KDM4C: variants seen among roughly 807,000 people sequenced by gnomAD.
KDM4C encodes lysine-specific demethylase 4C.
Under a neutral mutation model 129.3 loss-of-function variants are expected in KDM4C, and 81 were observed. The observed-to-expected ratio is 0.63, with a 90% confidence interval of 0.52 to 0.75. KDM4C has a LOEUF of 0.75. KDM4C is among the 30% of genes least tolerant of loss of function. The probability of loss-of-function intolerance (pLI) is 0.00; values close to 1 mark genes in which losing one functional copy is unlikely to be tolerated. For missense variants in KDM4C, 1,457 were observed against 1,304.0 expected (o/e 1.12, Z -1.81); for synonymous variants, 573 against 456.1 (o/e 1.26, Z -3.26).
intron 4 of KDM4C, among the ~76,000 whole-genome samples, chr9:6,817,913 C>T (rs1236635314): frequency 4.0e-5 from 6 of 151,868 alleles, no homozygotes; most frequent in African/African-American, 1.5e-4. Context: ...ATTACAGGCA[C>T]GTGACACCAT....
At chr9:6,800,163 T>G (rs1395332987) in intron 2 of KDM4C, among the ~76,000 whole-genome samples, 1 of 149,550 alleles carries the variant, frequency 6.7e-6, no homozygotes, top group African/African-American at 2.5e-5. Context: ...AGGCCAGGAG[T>G]TTGAGACCAA....
intron 1 of KDM4C, among the ~76,000 whole-genome samples, chr9:6,771,941 C>G (rs1355682285): frequency 6.6e-6 from 1 of 152,184 alleles, no homozygotes; most frequent in African/African-American, 2.4e-5. Context: ...TGGGAAGCCT[C>G]TCCCCATTCC....
intron 19 of KDM4C, among the ~76,000 whole-genome samples, chr9:7,156,243 C>G (rs1328043118): frequency 6.6e-6 from 1 of 152,284 alleles, no homozygotes; most frequent in East Asian, 1.9e-4. Context: ...TTTGTAGATT[C>G]TGGATATCAG....
At position 6,867,017 on chromosome 9, in the gene KDM4C, ATTT is replaced by A. The variant is rs139668753; in HGVS notation, c.630-12982_630-12980del. 2.4e-3 allele frequency among the ~76,000 whole-genome samples: 201 copies of A among 83,764 alleles called. 2 individuals are homozygous for A. Among genetic ancestry groups the A allele is most frequent in the Middle Eastern group, 6.3e-3 (1 of 160 alleles). 55.0% of individuals were successfully genotyped at this position (83,764 alleles called of 152,430 possible). A position where few individuals can be genotyped will look rare whatever the true frequency, so the allele number is the denominator to read the frequency against. ...TGTGTGTGTATATATATATATATAT[ATTT>A]TTTTTTTTTTTTGGAAGATGGAATC... On this transcript the variant is annotated intron_variant, in intron 5 of 21. Transcript: ENST00000381309.
chr9:6,902,437 C>T (rs1817569710), intron 8 of KDM4C, among the ~76,000 whole-genome samples: 2 of 152,102 alleles, frequency 1.3e-5, no homozygotes, highest in Admixed American at 1.3e-4. Flanking sequence ...ACATAATCAC[C>T]TGGGACTGTG....
chr9:6,781,135 G>A (rs566259677), intron 1 of KDM4C, among the ~76,000 whole-genome samples: 1 of 152,292 alleles, frequency 6.6e-6, no homozygotes, highest in African/African-American at 2.4e-5. Context: ...AGGAGTGGCT[G>A]CCTGAATTTA....
chr9:6,838,182 A>G (rs138781564), intron 4 of KDM4C, among the ~76,000 whole-genome samples: 1 of 152,262 alleles, frequency 6.6e-6, no homozygotes, highest in Non-Finnish European at 1.5e-5. Flanking sequence ...TGCTTGTCTT[A>G]GCAATTCCGT....
intron 17 of KDM4C, among the ~76,000 whole-genome samples, chr9:7,049,812 T>A (rs1404821037): frequency 6.6e-6 from 1 of 152,092 alleles, no homozygotes; most frequent in Non-Finnish European, 1.5e-5. Flanking sequence ...GAAGTAACTT[T>A]GTAGTTTTAT....
At chr9:6,778,533 A>G (rs1452617562) in intron 1 of KDM4C, among the ~76,000 whole-genome samples, 2 of 150,972 alleles carry the variant, frequency 1.3e-5, no homozygotes, top group Non-Finnish European at 2.9e-5. Flanking sequence ...TTGGGAGGCT[A>G]AGCTGGGAGG....
intron 17 of KDM4C, among the ~76,000 whole-genome samples, chr9:7,096,398 A>G (rs760983794): frequency 1.4e-4 from 22 of 152,172 alleles, no homozygotes; most frequent in Admixed American, 1.3e-4. Flanking sequence ...GGGTCTAGGA[A>G]AAAAGGGCAG....
intron 1 of KDM4C, chr9:6,723,400 G>C (rs776814546): frequency 1.3e-5 from 2 of 152,244 alleles, no homozygotes; most frequent in Non-Finnish European, 2.9e-5. Context: ...AAAAAAGTTT[G>C]TAGATGCTGA....
At chr9:6,827,974 C>T (rs1481189444) in intron 4 of KDM4C, among the ~76,000 whole-genome samples, 2 of 152,234 alleles carry the variant, frequency 1.3e-5, no homozygotes, top group East Asian at 1.9e-4. Flanking sequence ...AGAATGTTTC[C>T]GTTAGTTCTA....
intron 12 of KDM4C, among the ~76,000 whole-genome samples, chr9:7,000,057 T>C (rs1414817606): frequency 2.0e-5 from 3 of 152,240 alleles, no homozygotes; most frequent in African/African-American, 7.2e-5. Flanking sequence ...GCCAGTGTTT[T>C]CCTGCGTTAT....
chr9:7,046,957 C>A (rs766752330), intron 16 of KDM4C, 40 bp downstream of exon 16: 1 of 1,395,096 alleles, frequency 7.2e-7, no homozygotes, highest in Admixed American at 1.7e-5. Flanking sequence ...CATTATTTTT[C>A]TTTCTCCATT....
rs114503202 is a variant in KDM4C at position 6,725,194 on chromosome 9, G to A, written c.49+4197G>A. ...GAGGGAGATCGAGGCCGAGGCCACTGTGACAATGTTCCACCAGGTAGCATG... is the reference window on the plus strand; with the variant it reads ...GAGGGAGATCGAGGCCGAGGCCACTATGACAATGTTCCACCAGGTAGCATG... On this transcript the variant is annotated intron_variant, in intron 1 of 17. Transcript: ENST00000536108. Among the ~76,000 whole-genome samples the A allele has an allele frequency of 4.8e-3, 726 of 152,220 alleles. 7 individuals are homozygous for A. Among genetic ancestry groups the A allele is most frequent in the African/African-American group, 0.017 (704 of 41,564 alleles).
At position 6,980,985 on chromosome 9, in the gene KDM4C, C is replaced by T. The variant is rs762211831; in HGVS notation, c.982C>T (p.Pro328Ser). 1.3e-5 allele frequency: 21 copies of T among 1,613,560 alleles called. No individual in the cohort carries two copies. The highest frequency in any genetic ancestry group is 1.7e-5 in the Non-Finnish European group (20 of 1,179,778). ...GGATATCTTTGTGAGGAAATTTCAG[C>T]CAGACAGATATCAGCTTTGGAAACA... ...SMDIFVRKFQ[P>S]DRYQLWKQGK... Residue 328 changes from proline to serine, a missense_variant, in exon 9 of 22, where the codon CCA becomes TCA. Coordinates refer to ENST00000381309, the MANE Select transcript of KDM4C (RefSeq NM_015061.6).
chr9:7,084,886 G>A (rs1200589208), intron 17 of KDM4C, among the ~76,000 whole-genome samples: 1 of 152,234 alleles, frequency 6.6e-6, no homozygotes, highest in Non-Finnish European at 1.5e-5. Context: ...ATAGATCTAT[G>A]AAGAGAGATA....
intron 19 of KDM4C, among the ~76,000 whole-genome samples, chr9:7,133,637 C>A (rs908816210): frequency 4.6e-5 from 7 of 152,204 alleles, no homozygotes; most frequent in Admixed American, 2.0e-4. Context: ...CTTAGAAGTT[C>A]TGCTCTTTGT....
At chr9:7,130,101 G>C (rs1258994567) in intron 19 of KDM4C, among the ~76,000 whole-genome samples, 1 of 152,196 alleles carries the variant, frequency 6.6e-6, no homozygotes, top group Non-Finnish European at 1.5e-5. Flanking sequence ...CCAGCCCTGT[G>C]CAGGCTACAT....
Sources: allele counts gnomAD v4.1 joint callset (sites outside exome capture counted in the v4.1 genomes callset), GRCh38; gene constraint gnomAD v4.1.1; transcripts MANE v1.5; gene names NCBI Gene and HGNC (gene_info 2026-07-23, HGNC 2026-07-21).